Variants in PCLO observed in about 807,000 individuals in gnomAD.
The protein encoded by PCLO is piccolo presynaptic cytomatrix protein.
PCLO carries 82 observed loss-of-function variants against 427.5 expected under a neutral mutation model. The ratio of observed to expected loss-of-function variants is 0.19; its 90% confidence interval spans 0.16 to 0.23. The LOEUF (loss-of-function observed/expected upper bound fraction) is 0.23. Among genes scored for constraint, PCLO ranks in the 10% least tolerant of loss-of-function variants. The pLI, the probability that PCLO is intolerant of heterozygous loss-of-function variation, is 1.00. For synonymous variants in PCLO, 2,357 were observed against 2,155.4 expected (o/e 1.09, Z -2.59); for missense variants, 6,239 against 6,115.9 (o/e 1.02, Z -0.67).
intron 3 of PCLO, among the ~76,000 whole-genome samples, chr7:83,056,571 A>C (rs1333116636): frequency 6.6e-6 from 1 of 152,206 alleles, no homozygotes; most frequent in Admixed American, 6.5e-5. Context: ...ACCAGAGAAA[A>C]TATTCAGCTC....
At chr7:83,122,235 A>G (rs1791298646) in intron 3 of PCLO, among the ~76,000 whole-genome samples, 1 of 147,606 alleles carries the variant, frequency 6.8e-6, no homozygotes, top group Non-Finnish European at 1.5e-5. Context: ...TTCCTCTAAT[A>G]TCTATAATAA....
chr7:83,018,490 G>A (rs1005511760), intron 3 of PCLO, among the ~76,000 whole-genome samples: 4 of 151,712 alleles, frequency 2.6e-5, no homozygotes, highest in South Asian at 2.1e-4. Flanking sequence ...AAATAATATC[G>A]AATTTTGATA....
chr7:83,093,492 A>ATATATATTTTTTTTTTTTTTTTTT, intron 3 of PCLO, among the ~76,000 whole-genome samples: 5 of 59,304 alleles, frequency 8.4e-5, no homozygotes, highest in Admixed American at 2.9e-4. Context: ...ATATATATAT[A>ATATATATTTTTTTTTTTTTTTTTT]TTTTTTTTTT....
intron 3 of PCLO, among the ~76,000 whole-genome samples, chr7:83,057,456 G>T (rs1789428819): frequency 7.1e-6 from 1 of 141,126 alleles, no homozygotes. Flanking sequence ...CTGCCTCCTG[G>T]GTTCACGCCA....
At chr7:82,852,787 C>G (rs777533174) in intron 10 of PCLO, among the ~76,000 whole-genome samples, 2 of 152,112 alleles carry the variant, frequency 1.3e-5, no homozygotes, top group Non-Finnish European at 2.9e-5. Flanking sequence ...AGTATATTCA[C>G]TCTACTGTGC....
chr7:83,149,976 T>C (rs1195692945), intron 2 of PCLO, among the ~76,000 whole-genome samples: 3 of 152,136 alleles, frequency 2.0e-5, no homozygotes, highest in African/African-American at 7.2e-5. Flanking sequence ...AAGACTTATA[T>C]ATGTGCCATA....
intron 3 of PCLO, among the ~76,000 whole-genome samples, chr7:82,983,832 A>G (rs1405964112): frequency 6.6e-6 from 1 of 151,928 alleles, no homozygotes; most frequent in Non-Finnish European, 1.5e-5. Context: ...TGTGAAAGTC[A>G]GGATAATCTC....
rs181252124 is a variant in PCLO, at chr7:82,823,907, G to A, written c.14596+329C>T. Among the ~76,000 whole-genome samples the A allele has an allele frequency of 2.0e-3, 302 of 152,112 alleles. 5 individuals carry two copies. Among genetic ancestry groups the A allele is most frequent in the African/African-American group, 6.9e-3 (285 of 41,536 alleles). On this transcript the variant is annotated intron_variant, in intron 19 of 24. Coordinates refer to ENST00000333891, the MANE Select transcript of PCLO (RefSeq NM_033026.6). ...AGTCAATGAACTCGTAGGGATTTTT[G>A]TATTATCTTTATGAAATACCCAAAT...
chr7:82,976,563 GA>G (rs1796022253), intron 3 of PCLO, among the ~76,000 whole-genome samples: 1 of 151,958 alleles, frequency 6.6e-6, no homozygotes, highest in Admixed American at 6.6e-5. Flanking sequence ...TTTTATCCAT[GA>G]TTGTTGGTGT....
chr7:83,083,658 G>A (rs2116407480), intron 3 of PCLO, among the ~76,000 whole-genome samples: 1 of 152,098 alleles, frequency 6.6e-6, no homozygotes, highest in East Asian at 1.9e-4. Flanking sequence ...AAATGAGTCT[G>A]TTTCCTATTA....
intron 6 of PCLO, among the ~76,000 whole-genome samples, chr7:82,919,143 G>A (rs912792459): frequency 6.6e-6 from 1 of 151,966 alleles, no homozygotes; most frequent in African/African-American, 2.4e-5. Flanking sequence ...ATGCTCTTAT[G>A]TATTGATGGG....
intron 22 of PCLO, among the ~76,000 whole-genome samples, chr7:82,763,402 G>A (rs180719847): frequency 4.7e-4 from 71 of 152,180 alleles, no homozygotes; most frequent in Non-Finnish European, 1.8e-4. Context: ...CGGAACCACG[G>A]AGGTCTGTGA....
chr7:82,871,280 G>T (rs1456682478), intron 10 of PCLO, among the ~76,000 whole-genome samples: 1 of 151,940 alleles, frequency 6.6e-6, no homozygotes, highest in African/African-American at 2.4e-5. Context: ...TTCATTGAAA[G>T]AATGAAATCA....
At chr7:82,849,388 C>T (rs956497614) in intron 10 of PCLO, among the ~76,000 whole-genome samples, 14 of 152,088 alleles carry the variant, frequency 9.2e-5, no homozygotes, top group Non-Finnish European at 1.6e-4. Flanking sequence ...ATTCTTTTTG[C>T]GCCACCTCAG....
intron 16 of PCLO, among the ~76,000 whole-genome samples, chr7:82,832,725 C>T (rs1792125721): frequency 6.6e-6 from 1 of 150,998 alleles, no homozygotes; most frequent in Non-Finnish European, 1.5e-5. Flanking sequence ...GGTGTATCTA[C>T]TTTCATAAAA....
chr7:82,898,119 T>C (rs572177315), intron 9 of PCLO, among the ~76,000 whole-genome samples: 1 of 151,670 alleles, frequency 6.6e-6, no homozygotes, highest in African/African-American at 2.4e-5. Context: ...TTGGACTTAA[T>C]AGAAGGCAGC....
intron 3 of PCLO, among the ~76,000 whole-genome samples, chr7:83,015,027 C>T (rs1371950819): frequency 6.6e-6 from 1 of 152,092 alleles, no homozygotes; most frequent in Non-Finnish European, 1.5e-5. Flanking sequence ...TGCGCAGCTA[C>T]TGTCCCCATT....
At chr7:83,013,629 A>T (rs1039411574) in intron 3 of PCLO, among the ~76,000 whole-genome samples, 2 of 152,210 alleles carry the variant, frequency 1.3e-5, no homozygotes, top group Non-Finnish European at 2.9e-5. Context: ...ATTTCACAGT[A>T]GGGTAGCCCT....
At chr7:82,782,817 C>G (rs1476729994) in intron 22 of PCLO, among the ~76,000 whole-genome samples, 1 of 152,138 alleles carries the variant, frequency 6.6e-6, no homozygotes, top group East Asian at 1.9e-4. Flanking sequence ...TACAGAGATG[C>G]CTTAACACAA....
Sources: allele counts gnomAD v4.1 joint callset (sites outside exome capture counted in the v4.1 genomes callset), GRCh38; gene constraint gnomAD v4.1.1; transcripts MANE v1.5; gene names NCBI Gene and HGNC (gene_info 2026-07-23, HGNC 2026-07-21).